The following KLHL6 variants were observed in gnomAD, a reference collection of about 807,000 sequenced individuals.
The protein encoded by KLHL6 is kelch-like protein 6.
Under a neutral mutation model 58.6 loss-of-function variants are expected in KLHL6, and 41 were observed. The ratio of observed to expected loss-of-function variants is 0.70; its 90% CI spans 0.55 to 0.91. The LOEUF is 0.91. Ranked by LOEUF, KLHL6 falls within the 40% of genes least tolerant of loss-of-function variation. The pLI, the probability that KLHL6 is intolerant of heterozygous loss-of-function variation, is 0.00. For missense variants in KLHL6, 714 were observed against 805.6 expected (o/e 0.89, Z 1.38); for synonymous variants, 338 against 322.7 (o/e 1.05, Z -0.51).
intron 4 of KLHL6, among the ~76,000 whole-genome samples, chr3:183,495,547 C>T (rs1051322085): frequency 1.3e-5 from 2 of 149,110 alleles, no homozygotes; most frequent in Non-Finnish European, 3.0e-5. Context: ...ATGTATGCAA[C>T]CTTTATTAAA....
At chr3:183,528,924 A>T (rs142498677) in intron 1 of KLHL6, among the ~76,000 whole-genome samples, 2,287 of 152,308 alleles carry the variant, frequency 0.015, 53 homozygotes, top group African/African-American at 0.053. Flanking sequence ...TAGACTGGAT[A>T]AAGAAAATGT....
chr3:183,536,163 A>G (rs751083454), intron 1 of KLHL6, among the ~76,000 whole-genome samples: 16 of 152,234 alleles, frequency 1.1e-4, no homozygotes, highest in Non-Finnish European at 1.5e-5. Flanking sequence ...CCCTGCAAGC[A>G]GACCCCCTCT....
At chr3:183,496,355 G>A (rs893832918) in intron 4 of KLHL6, among the ~76,000 whole-genome samples, 1 of 152,110 alleles carries the variant, frequency 6.6e-6, no homozygotes, top group East Asian at 1.9e-4. Context: ...CGTTAGCAAG[G>A]ATATAGAAAA....
intron 2 of KLHL6, among the ~76,000 whole-genome samples, chr3:183,525,266 A>ACACAC (rs56070933): frequency 7.1e-6 from 1 of 140,352 alleles, no homozygotes; most frequent in African/African-American, 2.6e-5. Flanking sequence ...TCTCTAAAAA[A>ACACAC]AAAACACACA....
intron 2 of KLHL6, among the ~76,000 whole-genome samples, chr3:183,515,192 C>A (rs1025416592): frequency 6.6e-6 from 1 of 152,108 alleles, no homozygotes; most frequent in African/African-American, 2.4e-5. Flanking sequence ...AGGAAGAGAG[C>A]CAGAGTCTTG....
intron 2 of KLHL6, among the ~76,000 whole-genome samples, chr3:183,526,763 G>T (rs1711985557): frequency 6.6e-6 from 1 of 152,096 alleles, no homozygotes; most frequent in Admixed American, 6.5e-5. Flanking sequence ...GGCAAGGGGT[G>T]GGGGGAATGG....
At chr3:183,536,066 G>A (rs562786330) in intron 1 of KLHL6, among the ~76,000 whole-genome samples, 33 of 152,330 alleles carry the variant, frequency 2.2e-4, no homozygotes, top group African/African-American at 7.5e-4. Flanking sequence ...CAGCCACTGT[G>A]CCTGGCCCCA....
At chr3:183,522,438 T>C (rs1049393450) in intron 2 of KLHL6, 1 of 152,214 alleles carries the variant, frequency 6.6e-6, no homozygotes, top group African/African-American at 2.4e-5. Context: ...GCAACACTGG[T>C]TGACCAAATT....
intron 4 of KLHL6, among the ~76,000 whole-genome samples, chr3:183,497,081 C>T (rs944927250): frequency 6.6e-6 from 1 of 152,070 alleles, no homozygotes; most frequent in Non-Finnish European, 1.5e-5. Flanking sequence ...GAGTTTGAGA[C>T]CAGCCTGTCA....
rs78779495 is a variant in KLHL6 at position 183,515,638 on chromosome 3, C to T, written c.460-7130G>A. 1.9e-3 allele frequency among the ~76,000 whole-genome samples: 285 copies of T among 152,324 alleles called. 1 individual carries two copies. In the Middle Eastern group the frequency reaches 0.024, roughly 13 times the overall value. On this transcript the variant is annotated intron_variant, in intron 2 of 6. Coordinates refer to ENST00000341319, the MANE Select transcript of KLHL6 (RefSeq NM_130446.4). The stretch of plus-strand genomic sequence containing the variant: ...TTCTTAAAAGCTACTTCTTCCTTGA[C>T]GGCTTCTCCTATTCCCCAACATGGA...
At chr3:183,518,555 C>T (rs1301616579) in intron 2 of KLHL6, among the ~76,000 whole-genome samples, 1 of 152,096 alleles carries the variant, frequency 6.6e-6, no homozygotes, top group Non-Finnish European at 1.5e-5. Flanking sequence ...TTAAAAACCC[C>T]ACACCCCACT....
chr3:183,492,348 G>A lies in KLHL6; in HGVS notation c.1565-120C>T. 1 of 1,301,736 alleles carries A rather than the reference G, an allele frequency of 7.7e-7. No homozygotes were observed. The highest frequency in any genetic ancestry group is 2.3e-5 in the Admixed American group (1 of 43,540). 80.6% of individuals were successfully genotyped at this position (1,301,736 alleles called of 1,614,324 possible). On this transcript the variant is annotated intron_variant, in intron 6 of 6. Transcript: ENST00000341319. This position sits in a 1 kb window ranked among gnomAD's most constrained non-coding sequence, Gnocchi z 5.9. ...TACCCTCTTGCCAAGAGAAACAGTC[G>A]ATTGATGGCTCTCCTGAAAGCCAGA...
intron 4 of KLHL6, among the ~76,000 whole-genome samples, chr3:183,495,296 G>T (rs1168651541): frequency 1.3e-5 from 2 of 151,988 alleles, no homozygotes; most frequent in Non-Finnish European, 2.9e-5. Context: ...TGGTGGTGGT[G>T]GTTTTGTTTT....
At chr3:183,519,895 C>CA (rs56101517) in intron 2 of KLHL6, among the ~76,000 whole-genome samples, 5,172 of 83,088 alleles carry the variant, frequency 0.062, 152 homozygotes, top group African/African-American at 0.1. Context: ...AACCCTGTCT[C>CA]AAAAAAAAAA....
At chr3:183,537,040 A>G (rs567405158) in intron 1 of KLHL6, among the ~76,000 whole-genome samples, 59 of 152,170 alleles carry the variant, frequency 3.9e-4, no homozygotes, top group African/African-American at 1.4e-3. Context: ...ATTTTCATGA[A>G]TTTTCTGCCA....
intron 1 of KLHL6, among the ~76,000 whole-genome samples, chr3:183,554,079 A>G (rs1350870343): frequency 2.6e-5 from 4 of 152,180 alleles, no homozygotes; most frequent in African/African-American, 7.2e-5. Context: ...GAAGAATCTC[A>G]TTAAGAAGAA....
intron 2 of KLHL6, among the ~76,000 whole-genome samples, chr3:183,526,400 T>C (rs911046356): frequency 1.3e-5 from 2 of 152,200 alleles, no homozygotes; most frequent in Non-Finnish European, 2.9e-5. Flanking sequence ...CCGTGAAGCC[T>C]GAATATGACC....
At chr3:183,493,931 G>T in intron 5 of KLHL6, 148 bp downstream of exon 5, 1 of 716,038 alleles carries the variant, frequency 1.4e-6, no homozygotes, top group Middle Eastern at 3.5e-4. Flanking sequence ...GCTCCTAGGA[G>T]GAGGGAAGCT....
chr3:183,496,560 A>C (rs1717717979), intron 4 of KLHL6, among the ~76,000 whole-genome samples: 1 of 152,238 alleles, frequency 6.6e-6, no homozygotes, highest in East Asian at 1.9e-4. Flanking sequence ...CAAAAAAAGA[A>C]AGCTAAAAAA....
Sources: gnomAD v4.1 joint callset for allele counts (sites outside exome capture counted in the v4.1 genomes callset) on GRCh38, gnomAD v4.1.1 for gene constraint, Gnocchi (gnomAD v3.1) non-coding constraint, MANE v1.5 for transcripts, NCBI Gene and HGNC (gene_info 2026-07-23, HGNC 2026-07-21) for gene names.